EMSY: variants seen among roughly 807,000 people sequenced by gnomAD.
EMSY encodes the protein EMSY transcriptional repressor, BRCA2 interacting.
In EMSY, 26 loss-of-function variants were observed where a neutral mutation model predicts 134.6. That is an observed-to-expected ratio of 0.19 (90% confidence interval 0.14 to 0.27). The LOEUF (loss-of-function observed/expected upper bound fraction) is 0.27. Ranked by LOEUF, EMSY falls within the 10% of genes least tolerant of loss-of-function variation. EMSY has a pLI of 1.00. For synonymous variants in EMSY, 579 were observed against 577.8 expected, an observed-to-expected ratio of 1.00 and a Z score of -0.03; for missense variants, 1,305 against 1,611.4, an observed-to-expected ratio of 0.81 and a Z score of 3.26.
chr11:76,456,769 G>A (rs1212177323), intron 4 of EMSY, among the ~76,000 whole-genome samples: 3 of 152,038 alleles, frequency 2.0e-5, no homozygotes, highest in African/African-American at 2.4e-5. Context: ...TGGATTCATC[G>A]GCTCTTAGAA....
intron 20 of EMSY, among the ~76,000 whole-genome samples, chr11:76,548,237 A>G (rs1019477379): frequency 3.9e-5 from 6 of 152,216 alleles, no homozygotes; most frequent in African/African-American, 1.4e-4. Flanking sequence ...TTTAGCTTTG[A>G]TCTGAAGTAT....
At chr11:76,551,219 A>G (rs769236150) in exon 21 of EMSY, 5 of 152,356 alleles carry the variant, frequency 3.3e-5, no homozygotes, top group Non-Finnish European at 2.9e-5. Flanking sequence ...TGGTCTTGTG[A>G]TCACTGTCTG....
intron 9 of EMSY, among the ~76,000 whole-genome samples, chr11:76,500,486 G>A (rs1487664098): frequency 6.6e-6 from 1 of 152,192 alleles, no homozygotes; most frequent in African/African-American, 2.4e-5. Context: ...ACAGTTTATA[G>A]AGAAGAAGCA....
At chr11:76,530,103 T>C (rs1423055937) in intron 14 of EMSY, among the ~76,000 whole-genome samples, 1 of 151,396 alleles carries the variant, frequency 6.6e-6, no homozygotes, top group Admixed American at 6.6e-5. Context: ...AAGAGAGCTG[T>C]AAACCAATTA....
chr11:76,506,785 C>T (rs968098868), intron 9 of EMSY, among the ~76,000 whole-genome samples: 10 of 152,090 alleles, frequency 6.6e-5, no homozygotes, highest in African/African-American at 1.7e-4. Context: ...TCGAAAATCC[C>T]GATAAGATGA....
At chr11:76,504,593 G>A (rs1950001257) in intron 9 of EMSY, among the ~76,000 whole-genome samples, 1 of 152,094 alleles carries the variant, frequency 6.6e-6, no homozygotes, top group African/African-American at 2.4e-5. Context: ...ATGTAAAATG[G>A]TACTGTTGCT....
intron 9 of EMSY, among the ~76,000 whole-genome samples, chr11:76,503,760 A>G (rs1289676800): frequency 6.6e-6 from 1 of 152,146 alleles, no homozygotes; most frequent in Admixed American, 6.5e-5. Flanking sequence ...GAAAAGTTAG[A>G]TATCAAAAAC....
chr11:76,543,692 G>T (rs1006389292), intron 18 of EMSY, among the ~76,000 whole-genome samples: 3 of 152,160 alleles, frequency 2.0e-5, no homozygotes, highest in Non-Finnish European at 4.4e-5. Context: ...GCAAAGGGGC[G>T]AGGAATGCTA....
intron 14 of EMSY, among the ~76,000 whole-genome samples, chr11:76,531,790 C>T (rs1201447998): frequency 2.0e-5 from 3 of 152,022 alleles, no homozygotes; most frequent in African/African-American, 7.3e-5. Context: ...GTTGGCATTC[C>T]ACTATAAGGA....
At chr11:76,448,661 T>C (rs1241877397) in intron 2 of EMSY, among the ~76,000 whole-genome samples, 2 of 151,954 alleles carry the variant, frequency 1.3e-5, no homozygotes, top group Non-Finnish European at 2.9e-5. Context: ...ATCATCTTCA[T>C]TGACCCCTCA....
At chr11:76,511,731 G>T (rs1950285146) in intron 9 of EMSY, among the ~76,000 whole-genome samples, 1 of 151,818 alleles carries the variant, frequency 6.6e-6, no homozygotes, top group African/African-American at 2.4e-5. Context: ...AATAATAACT[G>T]TAATTCACTA....
intron 6 of EMSY, among the ~76,000 whole-genome samples, chr11:76,462,488 A>G (rs1252274806): frequency 2.0e-5 from 3 of 152,164 alleles, no homozygotes; most frequent in Admixed American, 1.3e-4. Flanking sequence ...CTAATGGGAG[A>G]TATGTAGACA....
chr11:76,505,343 G>T (rs183065259), intron 9 of EMSY, among the ~76,000 whole-genome samples: 1,650 of 147,546 alleles, frequency 0.011, 29 homozygotes, highest in African/African-American at 0.039. Flanking sequence ...TTACAGGCGC[G>T]CACCATCACG....
rs766929962 is a variant in EMSY at position 76,544,360 on chromosome 11, G to C, written c.2811G>C (p.Leu937=). ...ACACTTTAGACCCTCAGACAGGTCT[G>C]TTTTACCGATCTGCCCTGACTCAGT... Residue 937 remains leucine (L), a synonymous_variant, in exon 19 of 21, where the codon CTG becomes CTC. Transcript: ENST00000334736. 5.0e-6 allele frequency: 8 copies of C among 1,614,058 alleles called. No individual in the cohort carries two copies. The Admixed American group carries it at 6.7e-5, about 13-fold the overall frequency.
chr11:76,525,260 G>C (rs759882567), intron 12 of EMSY, among the ~76,000 whole-genome samples: 9 of 152,208 alleles, frequency 5.9e-5, no homozygotes, highest in Non-Finnish European at 8.8e-5. Context: ...ATGGTGCTGG[G>C]AAGAGTATGC....
chr11:76,513,263 TAA>T, intron 9 of EMSY, 121 bp from the exon 11 acceptor site: 1 of 753,706 alleles, frequency 1.3e-6, no homozygotes, highest in Non-Finnish European at 1.9e-6. Context: ...TCATCAGTAT[TAA>T]AAAAAACTTC....
intron 20 of EMSY, among the ~76,000 whole-genome samples, chr11:76,548,493 T>C (rs901089013): frequency 2.0e-5 from 3 of 151,924 alleles, no homozygotes; most frequent in Non-Finnish European, 4.4e-5. Flanking sequence ...TATAAAAGAG[T>C]CTATATATGT....
chr11:76,546,492 G>T (rs949924927), intron 20 of EMSY, among the ~76,000 whole-genome samples, 195 bp downstream of exon 21: 4 of 152,112 alleles, frequency 2.6e-5, no homozygotes, highest in African/African-American at 9.7e-5. Context: ...TTCTGGAAGA[G>T]GATCAGAAAA....
exon 9 of EMSY, chr11:76,496,336 G>A (rs1404576806): frequency 1.2e-6 from 2 of 1,614,018 alleles, no homozygotes; most frequent in Non-Finnish European, 1.7e-6. Context: ...CTCCTAAGCA[G>A]CAGTTATATC....
Sources: gnomAD v4.1 joint callset for allele counts (sites outside exome capture counted in the v4.1 genomes callset) on GRCh38, gnomAD v4.1.1 for gene constraint, MANE v1.5 for transcripts, NCBI Gene and HGNC (gene_info 2026-07-23, HGNC 2026-07-21) for gene names.